HORMAD2: variants seen among roughly 807,000 people sequenced by gnomAD.
HORMAD2 encodes HORMA domain-containing protein 2.
A neutral mutation model predicts 38.8 loss-of-function variants in HORMAD2; 45 were observed. The ratio of observed to expected loss-of-function variants is 1.16; its 90% CI spans 0.91 to 1.49. The LOEUF is 1.49. Ranked by LOEUF, HORMAD2 falls within the 40% of genes most tolerant of loss-of-function variation. The pLI is 0.00. For missense variants in HORMAD2, 338 were observed against 367.0 expected (o/e 0.92, Z 0.65); for synonymous variants, 126 against 122.8 (o/e 1.03, Z -0.17).
At chr22:30,174,749 T>C (rs1247504280) in intron 10 of HORMAD2, among the ~76,000 whole-genome samples, 1 of 152,184 alleles carries the variant, frequency 6.6e-6, no homozygotes, top group Non-Finnish European at 1.5e-5. Flanking sequence ...AAGCTAACTT[T>C]TACCAGATAC....
the HORMAD2 span, among the ~76,000 whole-genome samples, chr22:30,206,546 G>A: frequency 1.1e-4 from 17 of 152,146 alleles, no homozygotes; most frequent in African/African-American, 3.6e-4. Context: ...GCAGTGGTGC[G>A]ACCATAGCTC....
At chr22:30,111,112 C>T (rs1354745852) in intron 5 of HORMAD2, among the ~76,000 whole-genome samples, 6 of 142,300 alleles carry the variant, frequency 4.2e-5, no homozygotes, top group African/African-American at 1.1e-4. Context: ...GCCAAGATCA[C>T]GCTACTGTAC....
chr22:30,103,641 T>G, intron 4 of HORMAD2, 141 bp downstream of exon 4: 1 of 431,722 alleles, frequency 2.3e-6, no homozygotes, highest in Non-Finnish European at 4.0e-6. Context: ...TTTCTTTTTC[T>G]GTTTTTGATT....
At chr22:30,141,278 A>C (rs898235440) in intron 10 of HORMAD2, among the ~76,000 whole-genome samples, 2 of 152,170 alleles carry the variant, frequency 1.3e-5, no homozygotes, top group African/African-American at 4.8e-5. Context: ...GATTACAGGC[A>C]TGAGCCACCT....
At chr22:30,103,583 A>C in intron 4 of HORMAD2, 83 bp downstream of exon 4, 1 of 587,936 alleles carries the variant, frequency 1.7e-6, no homozygotes, top group East Asian at 3.5e-5. Context: ...ATTTAGTAAG[A>C]TCATTTTTTA....
intron 7 of HORMAD2, among the ~76,000 whole-genome samples, chr22:30,116,358 G>A (rs1309505547): frequency 6.6e-6 from 1 of 152,062 alleles, no homozygotes; most frequent in Non-Finnish European, 1.5e-5. Flanking sequence ...TGAGTGACAT[G>A]GTCTGATTTG....
chr22:30,201,445 T>G, the HORMAD2 span, among the ~76,000 whole-genome samples: 142,947 of 142,962 alleles, frequency 1, 71,466 homozygotes, highest in Middle Eastern at 1. Context: ...CCAAGACGGA[T>G]TCTCGCTGTT....
At chr22:30,085,807 C>A (rs1375423869) in intron 1 of HORMAD2, among the ~76,000 whole-genome samples, 1 of 152,162 alleles carries the variant, frequency 6.6e-6, no homozygotes, top group African/African-American at 2.4e-5. Flanking sequence ...ACTGACACAA[C>A]AGCTAGACAC....
intron 10 of HORMAD2, among the ~76,000 whole-genome samples, chr22:30,155,625 G>A (rs1468088047): frequency 6.6e-6 from 1 of 151,612 alleles, no homozygotes; most frequent in East Asian, 1.9e-4. Flanking sequence ...TCTCTCAGTG[G>A]ACAGAACTAG....
chr22:30,163,923 A>G (rs1442972389), intron 10 of HORMAD2, among the ~76,000 whole-genome samples: 1 of 151,788 alleles, frequency 6.6e-6, no homozygotes, highest in Non-Finnish European at 1.5e-5. Flanking sequence ...CCAAACTGAA[A>G]CTCTATACCC....
chr22:30,105,011 A>G (rs1328943905), intron 5 of HORMAD2: 2 of 153,364 alleles, frequency 1.3e-5, no homozygotes, highest in African/African-American at 4.8e-5. Context: ...AAGAGACAAG[A>G]TGTATATAAA....
At chr22:30,085,626 C>T (rs1348335126) in intron 1 of HORMAD2, among the ~76,000 whole-genome samples, 3 of 152,120 alleles carry the variant, frequency 2.0e-5, no homozygotes, top group Admixed American at 6.5e-5. Context: ...TGGTGGCACA[C>T]ACCTGTAATC....
upstream of HORMAD2, among the ~76,000 whole-genome samples, chr22:30,078,607 C>CAAAA (rs55966787): frequency 0.022 from 631 of 28,076 alleles, 114 homozygotes; most frequent in South Asian, 0.075. Flanking sequence ...CTCTGTCTCA[C>CAAAA]AAAAAAAAAA....
chr22:30,177,705 T>C (rs1020540670), downstream of HORMAD2, among the ~76,000 whole-genome samples: 24 of 142,334 alleles, frequency 1.7e-4, no homozygotes, highest in Admixed American at 7.3e-4. Flanking sequence ...GATCAATTTA[T>C]AAGGAGGAGC....
At chr22:30,169,756 A>G (rs1925998357) in intron 10 of HORMAD2, among the ~76,000 whole-genome samples, 1 of 152,082 alleles carries the variant, frequency 6.6e-6, no homozygotes, top group South Asian at 2.1e-4. Flanking sequence ...TATCTTCCCC[A>G]CCATTTTCCC....
chr22:30,171,247 A>G (rs193183859), intron 10 of HORMAD2, among the ~76,000 whole-genome samples: 1 of 152,170 alleles, frequency 6.6e-6, no homozygotes, highest in African/African-American at 2.4e-5. Flanking sequence ...TACATCTCCA[A>G]CCCAGACCTC....
chr22:30,140,286 G>T (rs1923988536), intron 10 of HORMAD2, among the ~76,000 whole-genome samples: 1 of 152,102 alleles, frequency 6.6e-6, no homozygotes, highest in Admixed American at 6.6e-5. Flanking sequence ...GAAAAAGTGT[G>T]CATGAGAGAG....
chr22:30,147,373 G>T (rs987978375), intron 10 of HORMAD2, among the ~76,000 whole-genome samples: 32 of 150,896 alleles, frequency 2.1e-4, no homozygotes, highest in Admixed American at 2.6e-4. Flanking sequence ...AAAAGGTGGG[G>T]TTTTTTTTTA....
rs758401938 is a variant in HORMAD2, at chr22:30,095,155, G to T, written c.51+1152G>T. 2.6e-5 allele frequency among the ~76,000 whole-genome samples: 4 copies of T among 152,276 alleles called. No homozygotes were observed. In the South Asian group the frequency reaches 6.2e-4, roughly 24 times the overall value. ...TCTTCTTCTGTCTGTGTATTTATAT[G>T]TGTTGCATGTATGGTGTTTACATAA... On this transcript the variant is annotated intron_variant, in intron 2 of 10. Transcript: ENST00000336726.
Sources: gnomAD v4.1 joint callset for allele counts (sites outside exome capture counted in the v4.1 genomes callset) on GRCh38, gnomAD v4.1.1 for gene constraint, MANE v1.5 for transcripts, NCBI Gene and HGNC (gene_info 2026-07-23, HGNC 2026-07-21) for gene names.